SLC13A5: variants seen among roughly 807,000 people sequenced by gnomAD.
The protein encoded by SLC13A5 is Na(+)/citrate cotransporter.
Under a neutral mutation model 56.5 loss-of-function variants are expected in SLC13A5, and 25 were observed. The observed-to-expected ratio is 0.44, with a 90% CI of 0.32 to 0.62. SLC13A5 has a LOEUF of 0.62. Ranked by LOEUF, SLC13A5 falls within the 20% of genes least tolerant of loss-of-function variation. The pLI is 0.04. For missense variants in SLC13A5, 649 were observed against 737.8 expected (o/e 0.88, Z 1.39); for synonymous variants, 307 against 301.5 (o/e 1.02, Z -0.19).
chr17:6,706,811 G>C (rs1208818367), intron 2 of SLC13A5, 33 bp from the exon 3 acceptor site: 5 of 1,611,052 alleles, frequency 3.1e-6, no homozygotes. Context: ...CATCAGGACT[G>C]TCCCTTGCCA....
intron 1 of SLC13A5, among the ~76,000 whole-genome samples, chr17:6,709,126 A>C (rs1973949550): frequency 6.6e-6 from 1 of 150,922 alleles, no homozygotes; most frequent in Non-Finnish European, 1.5e-5. Flanking sequence ...CCTCATCAAC[A>C]TTATAATGAA....
At chr17:6,704,537 T>C (rs1458906183) in intron 3 of SLC13A5, 1 of 316,138 alleles carries the variant, frequency 3.2e-6, no homozygotes, top group Non-Finnish European at 6.4e-6. Flanking sequence ...TCAGAAGGGC[T>C]AAGCAGAGTA....
In SLC13A5 at chr17:6,707,022, G is replaced by C; in HGVS notation, c.231+6C>G. ...AAAGTCACCAGGATCCCTTGGGTCT[G>C]CTCACCTGCCTGGAGTCCAGAATCT... On this transcript the variant is annotated splice_donor_region_variant and intron_variant, in intron 2 of 11. Transcript: ENST00000433363. 1.2e-6 allele frequency: 2 copies of C among 1,613,722 alleles called. No homozygotes were observed. Among genetic ancestry groups the C allele is most frequent in the Non-Finnish European group, 1.7e-6 (2 of 1,179,960 alleles).
intron 1 of SLC13A5, among the ~76,000 whole-genome samples, chr17:6,708,851 C>T (rs1002110690): frequency 3.3e-5 from 5 of 152,132 alleles, no homozygotes; most frequent in Admixed American, 2.6e-4. Context: ...ATTCACCTAA[C>T]GTGCACGGGT....
At chr17:6,695,639 C>A in intron 7 of SLC13A5, 87 bp downstream of exon 7, 1 of 1,397,694 alleles carries the variant, frequency 7.2e-7, no homozygotes. Context: ...GACCCACCCA[C>A]CTCAGCCTCC....
In SLC13A5 at chr17:6,702,980, G is replaced by A; in HGVS notation, c.706C>T (p.Gln236Ter). Residue 236 changes from glutamine to a stop codon, truncating the protein, a stop_gained, in exon 5 of 12, where the codon CAG becomes TAG. Transcript: ENST00000433363. LOFTEE classifies it high-confidence loss of function. ...CGACCAAGGACTCACTCGTTCATCT[G>A]GCCCAGGAGCACCACGTTGGGTCCC... is the stretch of plus-strand genomic sequence containing the variant. ...GTGPNVVLLG[Q>*]MNELFPDSKD... 1 of 1,614,102 alleles carries A rather than the reference G, an allele frequency of 6.2e-7. No homozygotes were observed. Among genetic ancestry groups the A allele is most frequent in the Non-Finnish European group, 8.5e-7 (1 of 1,180,004 alleles).
At chr17:6,699,710 A>T (rs1189003450) in intron 6 of SLC13A5, among the ~76,000 whole-genome samples, 1 of 152,170 alleles carries the variant, frequency 6.6e-6, no homozygotes, top group Non-Finnish European at 1.5e-5. Context: ...ACCTCAGGCG[A>T]TCCGCCCTCC....
intron 7 of SLC13A5, among the ~76,000 whole-genome samples, chr17:6,694,563 A>G (rs1973508692): frequency 6.6e-6 from 1 of 152,120 alleles, no homozygotes; most frequent in African/African-American, 2.4e-5. Flanking sequence ...GTGAGTTGAG[A>G]TCATGCCATT....
At chr17:6,704,413 A>C in intron 3 of SLC13A5, 3 of 403,610 alleles carry the variant, frequency 7.4e-6, no homozygotes, top group Non-Finnish European at 9.9e-6. Context: ...CCAACTCAAT[A>C]TGAGCTTGCC....
rs980645889 is a variant in SLC13A5 at position 6,684,954 on chromosome 17, C to T, written c.*1253G>A. On this transcript the variant is annotated 3_prime_UTR_variant, in exon 12 of 12. Transcript: ENST00000433363. ...CTTGCGGGGGAAAGAAGATGCTTGT[C>T]TCTCATGTCTGTCTCTTACAGGGGG... 7.1e-6 allele frequency: 1 copy of T among 140,386 alleles called. No individual in the cohort carries two copies. Among genetic ancestry groups the T allele is most frequent in the African/African-American group, 2.5e-5 (1 of 39,910 alleles). 8.7% of individuals were successfully genotyped at this position (140,386 alleles called of 1,614,324 possible).
Position 6,701,462 on chromosome 17 carries a change from A to AGGACTCTG in SLC13A5, c.717-344_717-337dup, listed in dbSNP as rs778949584. ...CGCAGGGGCTCACGCCTGTAATTCC[A>AGGACTCTG]GGACTCTGGGAGGCCGAGGCAGGTG... On this transcript the variant is annotated intron_variant, in intron 5 of 11. Coordinates refer to ENST00000433363, the MANE Select transcript of SLC13A5 (RefSeq NM_177550.5). This position sits in a 1 kb window ranked among gnomAD's most constrained non-coding sequence, Gnocchi z 4.1. Among the ~76,000 whole-genome samples the AGGACTCTG allele has an allele frequency of 1.7e-4, 26 of 152,220 alleles. No homozygotes were observed. Among genetic ancestry groups the AGGACTCTG allele is most frequent in the Non-Finnish European group, 2.9e-4 (20 of 68,050 alleles).
In SLC13A5 at chr17:6,690,935, C is replaced by T. The variant is rs377534564; in HGVS notation, c.1281G>A (p.Ser427=). ...GFALAKGSEA[S]GLSVWMGKQM... is the part of the protein sequence containing the mutation. Reference sequence around the variant, plus strand: ...GCTTCCCCATCCACACGGACAGCCCCGAGGCCTGGGAAGCACCAGGAGGGC... The same window carrying T: ...GCTTCCCCATCCACACGGACAGCCCTGAGGCCTGGGAAGCACCAGGAGGGC... The change falls in exon 10 of 12, where the codon TCG becomes TCA. Residue 427 remains serine (S), a synonymous_variant. Coordinates refer to ENST00000433363, the MANE Select transcript of SLC13A5 (RefSeq NM_177550.5). 2.1e-5 allele frequency: 34 copies of T among 1,604,720 alleles called. No homozygotes were observed. Among genetic ancestry groups the T allele is most frequent in the Admixed American group, 6.7e-5 (4 of 59,562 alleles).
chr17:6,692,797 C>G lies in SLC13A5; in HGVS notation c.1275+247G>C, dbSNP rs1453401956. ...GTAACTGACAGTGTCCTCTGCCTCT[C>G]TTGGCTAACCACGGTCACTCATTCA... On this transcript the variant is annotated intron_variant, in intron 9 of 11. Transcript: ENST00000433363. The surrounding 1 kb of genome is among the most constrained non-coding windows in gnomAD (Gnocchi z 5.5). 7.5e-6 allele frequency: 4 copies of G among 530,468 alleles called. No individual in the cohort carries two copies. The highest frequency in any genetic ancestry group is 1.3e-5 in the Non-Finnish European group (4 of 296,488). 32.9% of individuals were successfully genotyped at this position (530,468 alleles called of 1,614,324 possible).
At chr17:6,709,763 A>C (rs907195059) in intron 1 of SLC13A5, among the ~76,000 whole-genome samples, 1 of 152,198 alleles carries the variant, frequency 6.6e-6, no homozygotes. Context: ...CCACAAAAAA[A>C]TAAATCTTTT....
chr17:6,695,908 G>A lies in SLC13A5; in HGVS notation c.873C>T (p.Ser291=), dbSNP rs767067775. Residue 291 remains serine, a synonymous_variant, in exon 7 of 12, where the codon AGC becomes AGT. Coordinates refer to ENST00000433363, the MANE Select transcript of SLC13A5 (RefSeq NM_177550.5). ...FKKSWGCGLE[S]KKNEKAALKV... ...TGAGGGCAGCCTTCTCGTTTTTCTT[G>A]CTCTCTAGCCCGCAGCCCCAGGACT... is the stretch of plus-strand genomic sequence containing the variant. 1.7e-5 allele frequency: 28 copies of A among 1,613,918 alleles called. No individual in the cohort carries two copies. In the East Asian group the frequency reaches 6.0e-4, roughly 35 times the overall value.
intron 3 of SLC13A5, among the ~76,000 whole-genome samples, chr17:6,706,345 G>A (rs1022835565): frequency 6.6e-6 from 1 of 152,078 alleles, no homozygotes; most frequent in African/African-American, 2.4e-5. Flanking sequence ...ATTTGTTCCC[G>A]GTGGAACCCT....
At position 6,692,726 on chromosome 17, in the gene SLC13A5, C is replaced by A; in HGVS notation, c.1275+318G>T. The A allele has an allele frequency of 8.9e-6, 3 of 337,626 alleles. No homozygotes were observed. The highest frequency in any genetic ancestry group is 3.6e-5 in the South Asian group (1 of 27,776). The allele number at this position is 337,626 out of a possible 1,614,324, so 20.9% of individuals were successfully genotyped here. ...GACAAGGATTGGAAAGAAAGATTTCCCTCAGACAAATCAAAGCAGAGATTA... is the reference window on the plus strand; with the variant it reads ...GACAAGGATTGGAAAGAAAGATTTCACTCAGACAAATCAAAGCAGAGATTA... On this transcript the variant is annotated intron_variant, in intron 9 of 11. Coordinates refer to ENST00000433363, the MANE Select transcript of SLC13A5 (RefSeq NM_177550.5). This position sits in a 1 kb window ranked among gnomAD's most constrained non-coding sequence, Gnocchi z 5.5.
chr17:6,706,969 C>T, intron 2 of SLC13A5, 59 bp downstream of exon 2: 10 of 1,606,030 alleles, frequency 6.2e-6, no homozygotes, highest in Non-Finnish European at 8.5e-6. Flanking sequence ...ACAGTGGGGA[C>T]TAGAGAAAGA....
chr17:6,709,245 T>C (rs1490903978), intron 1 of SLC13A5, among the ~76,000 whole-genome samples: 1 of 93,572 alleles, frequency 1.1e-5, no homozygotes, highest in East Asian at 4.4e-4. Context: ...AAATTCTTGC[T>C]TATTTATTTA....
Sources: gnomAD v4.1 joint callset for allele counts (sites outside exome capture counted in the v4.1 genomes callset) on GRCh38, gnomAD v4.1.1 for gene constraint, Gnocchi (gnomAD v3.1) non-coding constraint, MANE v1.5 for transcripts, NCBI Gene and HGNC (gene_info 2026-07-23, HGNC 2026-07-21) for gene names.